Variants in ACOX3 observed in about 807,000 individuals in gnomAD.
The protein encoded by ACOX3 is peroxisomal acyl-coenzyme A oxidase 3.
ACOX3 carries 73 observed loss-of-function variants against 81.5 expected under a neutral mutation model. The ratio of observed to expected loss-of-function variants is 0.90; its 90% CI spans 0.74 to 1.09. The LOEUF (loss-of-function observed/expected upper bound fraction) is 1.09. ACOX3 is among the 50% of genes least tolerant of loss of function. The pLI is 0.00. For missense variants in ACOX3, 947 were observed against 928.0 expected (o/e 1.02, Z -0.27); for synonymous variants, 387 against 375.1 (o/e 1.03, Z -0.37).
chr4:8,410,337 G>C lies in ACOX3; in HGVS notation c.562C>G (p.Pro188Ala). Reference sequence around the variant, plus strand: ...CAAAACTTGGCAGCTTCGAAATCAGGGGAATGTATGATGAATTCCTGCACA... The same window carrying C: ...CAAAACTTGGCAGCTTCGAAATCAGCGGAATGTATGATGAATTCCTGCACA... The part of the protein sequence containing the change: ...PATEEFIIHS[P>A]DFEAAKFWVG... Residue 188 changes from proline to alanine, a missense_variant, in exon 6 of 18, where the codon CCT (proline) becomes GCT (alanine). Transcript: ENST00000356406. 1 of 1,614,028 alleles carries C rather than the reference G, an allele frequency of 6.2e-7. No individual in the cohort carries two copies. The highest frequency in any genetic ancestry group is 1.1e-5 in the South Asian group (1 of 91,080).
rs1578922113 is a variant in ACOX3, at chr4:8,397,834, T to G, written c.874-715A>C. Among the ~76,000 whole-genome samples the G allele has an allele frequency of 2.0e-5, 3 of 152,332 alleles. No homozygotes were observed. In the East Asian group the frequency reaches 5.8e-4, roughly 29 times the overall value. On this transcript the variant is annotated intron_variant, in intron 8 of 17. Transcript: ENST00000356406. ...GTGTGTCTGAGCGTATTAATCACAC[T>G]CTCACATAGGAATCACAGTCTCGTT...
At chr4:8,388,068 T>C (rs1158191742) in intron 13 of ACOX3, among the ~76,000 whole-genome samples, 1 of 152,226 alleles carries the variant, frequency 6.6e-6, no homozygotes, top group Non-Finnish European at 1.5e-5. Context: ...GGGAACGAGA[T>C]GCATGCTCAC....
Position 8,386,473 on chromosome 4 carries a change from G to A in ACOX3, c.1537+2700C>T, listed in dbSNP as rs1469062346. Among the ~76,000 whole-genome samples the A allele has an allele frequency of 6.6e-6, 1 of 151,888 alleles. No homozygotes were observed. Among genetic ancestry groups the A allele is most frequent in the Non-Finnish European group, 1.5e-5 (1 of 67,990 alleles). On this transcript the variant is annotated intron_variant, in intron 13 of 17. Coordinates refer to ENST00000356406, the MANE Select transcript of ACOX3 (RefSeq NM_003501.3). This position sits in a 1 kb window ranked among gnomAD's most constrained non-coding sequence, Gnocchi z 5.2. ...CCCAGCTACTCCGGAGGCTGAGGCAGGAGAATGGCGAGAACCTGGGAGGTG... is the reference window on the plus strand; with the variant it reads ...CCCAGCTACTCCGGAGGCTGAGGCAAGAGAATGGCGAGAACCTGGGAGGTG...
At chr4:8,435,019 A>G (rs1382884703) in intron 1 of ACOX3, among the ~76,000 whole-genome samples, 1 of 152,246 alleles carries the variant, frequency 6.6e-6, no homozygotes, top group African/African-American at 2.4e-5. Context: ...AACACAAAGT[A>G]AGCCCACTCC....
In ACOX3 at chr4:8,393,637, G is replaced by GCACA. The variant is rs10576121; in HGVS notation, c.1179+979_1179+982dup. On this transcript the variant is annotated intron_variant, in intron 10 of 17. Transcript: ENST00000356406. ...CACGCACACACACACACACACACACGCACACACACACACACACACACACGC... is the reference window on the plus strand; with the variant it reads ...CACGCACACACACACACACACACACGCACACACACACACACACACACACACACGC... Among the ~76,000 whole-genome samples the GCACA allele has an allele frequency of 9.3e-3, 1,347 of 144,578 alleles. 8 individuals carry two copies. The highest frequency in any genetic ancestry group is 0.025 in the Middle Eastern group (7 of 282). The allele number at this position is 144,578 out of a possible 152,430, so 94.8% of individuals were successfully genotyped here. A position where few individuals can be genotyped will look rare whatever the true frequency, so the allele number is the denominator to read the frequency against.
At chr4:8,402,402 T>A (rs1306119006) in intron 7 of ACOX3, among the ~76,000 whole-genome samples, 1 of 152,146 alleles carries the variant, frequency 6.6e-6, no homozygotes, top group Non-Finnish European at 1.5e-5. Flanking sequence ...ACACCCCACC[T>A]CGTGAGAAAA....
chr4:8,413,388 A>C (rs1578964397), intron 5 of ACOX3, among the ~76,000 whole-genome samples: 1 of 95,676 alleles, frequency 1.0e-5, no homozygotes, highest in Non-Finnish European at 2.1e-5. Flanking sequence ...GTGCCCCTCC[A>C]CAGCACTGAC....
In ACOX3 at chr4:8,406,461, A is replaced by G. The variant is rs200729341; in HGVS notation, c.688-418T>C. 3.3e-5 allele frequency among the ~76,000 whole-genome samples: 5 copies of G among 152,238 alleles called. No individual in the cohort carries two copies. In the East Asian group the frequency reaches 7.7e-4, roughly 23 times the overall value. ...TCCCCGTGTGTGGAGACAAGAGAGC[A>G]TAGAGATAAAGACACAAGACAAAGA... On this transcript the variant is annotated intron_variant, in intron 6 of 17. Transcript: ENST00000356406. The surrounding 1 kb of genome is among the most constrained non-coding windows in gnomAD (Gnocchi z 5.6).
intron 10 of ACOX3, among the ~76,000 whole-genome samples, 170 bp from the exon 11 acceptor site, chr4:8,392,623 T>G (rs1474570496): frequency 6.6e-6 from 1 of 152,228 alleles, no homozygotes; most frequent in South Asian, 2.1e-4. Context: ...AAAGGGTCTT[T>G]ATCCAAGTAT....
chr4:8,422,787 GA>G (rs1255658920), intron 1 of ACOX3, among the ~76,000 whole-genome samples: 2 of 152,172 alleles, frequency 1.3e-5, no homozygotes, highest in African/African-American at 4.8e-5. Context: ...GGAGGCTCTG[GA>G]AAAGGGAAAC....
intron 1 of ACOX3, chr4:8,436,276 C>T (rs1373606175): frequency 6.6e-6 from 1 of 151,966 alleles, no homozygotes; most frequent in African/African-American, 2.4e-5. Context: ...GGGAGCTATA[C>T]ATGGACGGGA....
Position 8,389,214 on chromosome 4 carries a change from T to C in ACOX3, c.1496A>G (p.Lys499Arg). ...GTCGGCAACACTGGAGACCTCAAAC[T>C]TCTGGTCAAGGATGCCGGGATAGGC... The part of the protein sequence containing the change: ...LDAYPGILDQ[K>R]FEVSSVADCL... Residue 499 changes from lysine to arginine, a missense_variant, in exon 13 of 18, where the codon AAG becomes AGG. Physicochemically the swap from Lys to Arg is conservative, Grantham distance 26 (BLOSUM62 2). Transcript: ENST00000356406. This position sits in a 1 kb window ranked among gnomAD's most constrained non-coding sequence, Gnocchi z 5.3. 6.2e-7 allele frequency: 1 copy of C among 1,613,930 alleles called. No homozygotes were observed. Among genetic ancestry groups the C allele is most frequent in the Non-Finnish European group, 8.5e-7 (1 of 1,179,960 alleles).
rs1185393649 is a variant in ACOX3 at position 8,366,465 on chromosome 4, G to T, written c.*496C>A. On this transcript the variant is annotated 3_prime_UTR_variant, in exon 18 of 18. Coordinates refer to ENST00000356406, the MANE Select transcript of ACOX3 (RefSeq NM_003501.3). ...AAGTCTTAAACCACGACATTCAGATGATCTATGTGCAAATTAATAAGGTTA... is the reference window on the plus strand; with the variant it reads ...AAGTCTTAAACCACGACATTCAGATTATCTATGTGCAAATTAATAAGGTTA... 6.6e-6 allele frequency: 1 copy of T among 152,316 alleles called. No individual in the cohort carries two copies. Among genetic ancestry groups the T allele is most frequent in the African/African-American group, 2.4e-5 (1 of 41,436 alleles). The allele number at this position is 152,316 out of a possible 1,614,324, so 9.4% of individuals were successfully genotyped here. A position where few individuals can be genotyped will look rare whatever the true frequency, so the allele number is the denominator to read the frequency against.
intron 16 of ACOX3, among the ~76,000 whole-genome samples, chr4:8,372,418 C>T (rs1309844106): frequency 2.0e-5 from 3 of 152,118 alleles, no homozygotes; most frequent in Admixed American, 2.0e-4. Context: ...TCAACAACAC[C>T]TCCCCGCTAT....
chr4:8,415,417 A>C (rs568569394), intron 3 of ACOX3, among the ~76,000 whole-genome samples: 1 of 146,776 alleles, frequency 6.8e-6, no homozygotes, highest in African/African-American at 2.5e-5. Context: ...AAATTTTTTT[A>C]TTTTTTTTTT....
rs1248481457 is a variant in ACOX3 at position 8,386,256 on chromosome 4, A to G, written c.1537+2917T>C. ...TCATTTTCTAGTTCTTTCTGTGGCA[A>G]CATTTGGGAAGCTTAGAAAGTGACT... On this transcript the variant is annotated intron_variant, in intron 13 of 17. Coordinates refer to ENST00000356406, the MANE Select transcript of ACOX3 (RefSeq NM_003501.3). The surrounding 1 kb of genome is among the most constrained non-coding windows in gnomAD (Gnocchi z 5.2). Among the ~76,000 whole-genome samples the G allele has an allele frequency of 3.3e-5, 5 of 152,186 alleles. No individual in the cohort carries two copies. Among genetic ancestry groups the G allele is most frequent in the African/African-American group, 1.2e-4 (5 of 41,444 alleles).
intron 1 of ACOX3, 145 bp downstream of exon 1, chr4:8,440,503 A>T (rs772260819): frequency 1.8e-5 from 5 of 285,486 alleles, no homozygotes; most frequent in Non-Finnish European, 3.2e-5. Flanking sequence ...TTACGTTCAC[A>T]AACTTAGGCT....
At chr4:8,421,774 C>G (rs1722974326) in intron 1 of ACOX3, among the ~76,000 whole-genome samples, 1 of 152,182 alleles carries the variant, frequency 6.6e-6, no homozygotes, top group African/African-American at 2.4e-5. Context: ...ATATACAGCT[C>G]TCGACATGGG....
rs1464896181 is a variant in ACOX3 at position 8,437,337 on chromosome 4, C to A, written c.-15+3311G>T. ...CACGCCAAGGGTTAAATTCCTCTCC[C>A]CGGCTCAGCTCTATCTAGAAAAAAA... On this transcript the variant is annotated intron_variant, in intron 1 of 17. Transcript: ENST00000356406. The surrounding 1 kb of genome is among the most constrained non-coding windows in gnomAD (Gnocchi z 5.2). 6.6e-6 allele frequency among the ~76,000 whole-genome samples: 1 copy of A among 151,910 alleles called. No homozygotes were observed. Among genetic ancestry groups the A allele is most frequent in the Non-Finnish European group, 1.5e-5 (1 of 67,992 alleles).
Sources: allele counts gnomAD v4.1 joint callset (sites outside exome capture counted in the v4.1 genomes callset), GRCh38; gene constraint gnomAD v4.1.1; non-coding constraint Gnocchi (gnomAD v3.1); transcripts MANE v1.5; gene names NCBI Gene and HGNC (gene_info 2026-07-23, HGNC 2026-07-21).